Variants in TNFSF4 observed in about 807,000 individuals in gnomAD.
TNFSF4 encodes tumor necrosis factor ligand superfamily member 4.
TNFSF4 carries 4 observed loss-of-function variants against 7.3 expected under a neutral mutation model. That is an observed-to-expected ratio of 0.55 (90% CI 0.27 to 1.25). The LOEUF is 1.25. Among genes scored for constraint, TNFSF4 ranks in the 50% most tolerant of loss-of-function variants. The pLI is 0.12. For synonymous variants in TNFSF4, 76 were observed against 83.7 expected (o/e 0.91, Z 0.50); for missense variants, 181 against 208.8 (o/e 0.87, Z 0.82).
chr1:173,324,413 CA>C, the TNFSF4 span, among the ~76,000 whole-genome samples: 2 of 152,174 alleles, frequency 1.3e-5, no homozygotes, highest in African/African-American at 4.8e-5. Context: ...AAAAACATGC[CA>C]AATTGTAAAG....
the TNFSF4 span, among the ~76,000 whole-genome samples, chr1:173,355,334 G>C: frequency 6.6e-6 from 1 of 152,200 alleles, no homozygotes; most frequent in South Asian, 2.1e-4. Flanking sequence ...CACAGGTTTG[G>C]AGGATTTGCA....
the TNFSF4 span, among the ~76,000 whole-genome samples, chr1:173,229,990 G>A: frequency 3.2e-4 from 49 of 151,762 alleles, no homozygotes; most frequent in Admixed American, 7.2e-4. Context: ...AATGGGAGAC[G>A]TTAACACCCC....
chr1:173,419,910 G>GT, the TNFSF4 span, among the ~76,000 whole-genome samples: 7 of 151,954 alleles, frequency 4.6e-5, no homozygotes, highest in African/African-American at 1.7e-4. Context: ...TGTGGCGGGG[G>GT]GGGGGATGAG....
At chr1:173,337,925 T>C in the TNFSF4 span, among the ~76,000 whole-genome samples, 1 of 152,216 alleles carries the variant, frequency 6.6e-6, no homozygotes, top group Non-Finnish European at 1.5e-5. Context: ...AGGATGTTAA[T>C]AGTCAGTTGG....
downstream of TNFSF4, among the ~76,000 whole-genome samples, chr1:173,182,862 T>C (rs1034055099): frequency 2.0e-5 from 3 of 152,112 alleles, no homozygotes; most frequent in Non-Finnish European, 4.4e-5. Context: ...CATTTGCACA[T>C]TGTGTGGGTG....
chr1:173,325,367 G>C, the TNFSF4 span, among the ~76,000 whole-genome samples: 1 of 152,262 alleles, frequency 6.6e-6, no homozygotes, highest in African/African-American at 2.4e-5. Flanking sequence ...TCAAAGCAGT[G>C]TGTAGAGGGA....
chr1:173,343,454 G>A, the TNFSF4 span, among the ~76,000 whole-genome samples: 1 of 152,182 alleles, frequency 6.6e-6, no homozygotes, highest in African/African-American at 2.4e-5. Flanking sequence ...CGCATTCAAG[G>A]AACATGGAGA....
chr1:173,209,481 C>G (rs961660639), upstream of TNFSF4, among the ~76,000 whole-genome samples: 40 of 152,208 alleles, frequency 2.6e-4, no homozygotes, highest in Admixed American at 7.9e-4. Context: ...GTTACTAAAT[C>G]TATGGGCAAT....
chr1:173,406,760 T>C, the TNFSF4 span, among the ~76,000 whole-genome samples: 1 of 152,200 alleles, frequency 6.6e-6, no homozygotes, highest in African/African-American at 2.4e-5. Context: ...CTGCCTCCTG[T>C]CCTGAATGAA....
chr1:173,413,439 C>G, the TNFSF4 span, among the ~76,000 whole-genome samples: 1 of 152,214 alleles, frequency 6.6e-6, no homozygotes, highest in African/African-American at 2.4e-5. Flanking sequence ...TGAATCTTGA[C>G]AGGAGGCAGA....
At chr1:173,196,700 T>C (rs1056283815) in intron 1 of TNFSF4, among the ~76,000 whole-genome samples, 3 of 152,230 alleles carry the variant, frequency 2.0e-5, no homozygotes, top group African/African-American at 7.2e-5. Flanking sequence ...AAAGTATCCA[T>C]GTGACATGAA....
At chr1:173,245,357 A>G in the TNFSF4 span, among the ~76,000 whole-genome samples, 9 of 152,166 alleles carry the variant, frequency 5.9e-5, no homozygotes, top group Admixed American at 2.0e-4. Flanking sequence ...GCTTTTATAG[A>G]GATTATTCCA....
chr1:173,432,697 AG>A, the TNFSF4 span, among the ~76,000 whole-genome samples: 297 of 152,130 alleles, frequency 2.0e-3, no homozygotes, highest in Non-Finnish European at 3.3e-3. Flanking sequence ...AAAATTCTTG[AG>A]GGATCTTTGA....
At chr1:173,306,398 C>T in the TNFSF4 span, among the ~76,000 whole-genome samples, 19 of 151,910 alleles carry the variant, frequency 1.3e-4, no homozygotes, top group Non-Finnish European at 2.7e-4. Flanking sequence ...TCCTTCACTC[C>T]CTGGCAGATA....
the TNFSF4 span, among the ~76,000 whole-genome samples, chr1:173,431,213 A>G: frequency 6.6e-6 from 1 of 152,226 alleles, no homozygotes; most frequent in Non-Finnish European, 1.5e-5. Flanking sequence ...TGCATTCTAA[A>G]TATTTTCCAA....
chr1:173,288,721 G>T, the TNFSF4 span, among the ~76,000 whole-genome samples: 1 of 151,908 alleles, frequency 6.6e-6, no homozygotes, highest in Non-Finnish European at 1.5e-5. Flanking sequence ...TTTCAAAATT[G>T]TAAAACACAA....
At chr1:173,344,358 C>A in the TNFSF4 span, among the ~76,000 whole-genome samples, 2 of 152,180 alleles carry the variant, frequency 1.3e-5, no homozygotes, top group Non-Finnish European at 1.5e-5. Flanking sequence ...CAACTCTGCA[C>A]CTGAATATAG....
the TNFSF4 span, among the ~76,000 whole-genome samples, chr1:173,301,833 C>T: frequency 8.1e-6 from 1 of 123,830 alleles, no homozygotes; most frequent in Non-Finnish European, 1.6e-5. Context: ...CCCTACAGAA[C>T]ATACATTCCA....
chr1:173,295,388 A>G, the TNFSF4 span, among the ~76,000 whole-genome samples: 4 of 152,044 alleles, frequency 2.6e-5, no homozygotes, highest in Non-Finnish European at 5.9e-5. Flanking sequence ...CCCACAAAAT[A>G]CTAACCTATA....
Sources: allele counts gnomAD v4.1 joint callset (sites outside exome capture counted in the v4.1 genomes callset), GRCh38; gene constraint gnomAD v4.1.1; transcripts MANE v1.5; gene names NCBI Gene and HGNC (gene_info 2026-07-23, HGNC 2026-07-21).